Variants in USP34 observed in about 807,000 individuals in gnomAD.
The protein encoded by USP34 is ubiquitin carboxyl-terminal hydrolase 34.
Under a neutral mutation model 460.3 loss-of-function variants are expected in USP34, and 70 were observed. The ratio of observed to expected loss-of-function variants is 0.15; its 90% CI spans 0.13 to 0.19. The LOEUF (loss-of-function observed/expected upper bound fraction) is 0.19. USP34 is among the 10% of genes least tolerant of loss of function. The pLI is 1.00. For synonymous variants in USP34, 1,647 were observed against 1,405.3 expected, an observed-to-expected ratio of 1.17 and a Z score of -3.85; for missense variants, 3,985 against 4,236.2, an observed-to-expected ratio of 0.94 and a Z score of 1.65.
intron 41 of USP34, among the ~76,000 whole-genome samples, chr2:61,277,264 TCTC>T (rs757655688): frequency 6.6e-6 from 1 of 150,956 alleles, no homozygotes; most frequent in Non-Finnish European, 1.5e-5. Context: ...TGAGACACGT[TCTC>T]CTTCTGTCAC....
Position 61,197,758 on chromosome 2 carries a change from C to T in USP34, c.9509-4778G>A, listed in dbSNP as rs79661594. On this transcript the variant is annotated intron_variant, in intron 75 of 79. Transcript: ENST00000398571. Reference sequence around the variant, plus strand: ...GACTACATGTGCATGTCACCAAGCCCGCCTTCTATTTTGGTGGGGGGAACA... The same window carrying T: ...GACTACATGTGCATGTCACCAAGCCTGCCTTCTATTTTGGTGGGGGGAACA... Among the ~76,000 whole-genome samples, 426 of 151,936 alleles carry T rather than the reference C, an allele frequency of 2.8e-3. 2 individuals are homozygous for T. Among genetic ancestry groups the T allele is most frequent in the East Asian group, 0.016 (84 of 5,156 alleles).
At chr2:61,199,928 G>T (rs918840652) in intron 75 of USP34, 1 of 152,322 alleles carries the variant, frequency 6.6e-6, no homozygotes, top group African/African-American at 2.4e-5. Flanking sequence ...GAACTGTGAA[G>T]TATCTATTAA....
intron 20 of USP34, among the ~76,000 whole-genome samples, chr2:61,330,656 A>C (rs1691231974): frequency 1.3e-5 from 2 of 152,162 alleles, no homozygotes; most frequent in Non-Finnish European, 1.5e-5. Context: ...GGTCCATAAC[A>C]ATCAGCTCAC....
In USP34 at chr2:61,399,153, G is replaced by GACCCAGC. The variant is rs563470207; in HGVS notation, c.553-3921_553-3920insGCTGGGT. Reference sequence around the variant, plus strand: ...GTGGATCACGAGGTCAGGAGTTCAAGACCAGCCTAACATGGTCTCTACTAA... The same window carrying GACCCAGC: ...GTGGATCACGAGGTCAGGAGTTCAAGACCCAGCACCAGCCTAACATGGTCTCTACTAA... On this transcript the variant is annotated intron_variant, in intron 3 of 79. Coordinates refer to ENST00000398571, the MANE Select transcript of USP34 (RefSeq NM_014709.4). 3.6e-4 allele frequency among the ~76,000 whole-genome samples: 54 copies of GACCCAGC among 152,050 alleles called. No individual in the cohort carries two copies. The South Asian group carries it at 8.3e-3, about 23-fold the overall frequency.
At chr2:61,392,899 T>G (rs994748854) in intron 5 of USP34, among the ~76,000 whole-genome samples, 1 of 152,150 alleles carries the variant, frequency 6.6e-6, no homozygotes, top group African/African-American at 2.4e-5. Context: ...ATTGAGATAC[T>G]TTCTCTCAGA....
intron 21 of USP34, among the ~76,000 whole-genome samples, chr2:61,324,036 C>A (rs1466249212): frequency 6.6e-6 from 1 of 152,176 alleles, no homozygotes; most frequent in Non-Finnish European, 1.5e-5. Context: ...TGAAAAGAGT[C>A]ATGACGACTC....
chr2:61,440,671 C>G (rs950920181), intron 1 of USP34, among the ~76,000 whole-genome samples: 6 of 151,782 alleles, frequency 4.0e-5, no homozygotes, highest in African/African-American at 1.4e-4. Context: ...GCGCCCACCA[C>G]CATACCCGGC....
At chr2:61,300,834 AAG>A (rs1481889718) in intron 29 of USP34, 115 bp downstream of exon 29, 1 of 691,434 alleles carries the variant, frequency 1.4e-6, no homozygotes, top group African/African-American at 1.9e-5. Context: ...AAAAAAAAAA[AAG>A]GAGAGAAAAT....
chr2:61,469,909 A>C (rs1695896857), intron 1 of USP34, among the ~76,000 whole-genome samples: 2 of 152,198 alleles, frequency 1.3e-5, no homozygotes, highest in Admixed American at 1.3e-4. Context: ...TTTAATAATA[A>C]AAAGTAAAGT....
intron 1 of USP34, among the ~76,000 whole-genome samples, chr2:61,434,477 T>C (rs1277573630): frequency 6.6e-6 from 1 of 152,214 alleles, no homozygotes; most frequent in African/African-American, 2.4e-5. Context: ...GTAACAGTCC[T>C]GTGGCTTCAA....
Position 61,350,553 on chromosome 2 carries a change from T to C in USP34, c.1377+15A>G. 1 of 1,581,670 alleles carries C rather than the reference T, an allele frequency of 6.3e-7. No individual in the cohort carries two copies. Among genetic ancestry groups the C allele is most frequent in the East Asian group, 2.2e-5 (1 of 44,674 alleles). On this transcript the variant is annotated intron_variant, in intron 11 of 79. Transcript: ENST00000398571. ...ACGGGAAAAAAAAAAAACTATCATGTTTTGAATGTATTACCTGTTCAGTAT... is the reference window on the plus strand; with the variant it reads ...ACGGGAAAAAAAAAAAACTATCATGCTTTGAATGTATTACCTGTTCAGTAT...
chr2:61,319,420 T>A, intron 21 of USP34, 93 bp from the exon 22 acceptor site: 1 of 825,492 alleles, frequency 1.2e-6, no homozygotes, highest in Non-Finnish European at 1.7e-6. Context: ...AGTCCTCACT[T>A]AACACAGATA....
chr2:61,380,180 T>A lies in USP34; in HGVS notation c.1003A>T (p.Ser335Cys), dbSNP rs1316256461. The change falls in exon 7 of 80, where the codon AGT becomes TGT. Residue 335 changes from serine to cysteine, a missense_variant. By Grantham distance (112) the Ser-to-Cys change is moderately radical. Around this residue, in one of 14 missense-constraint regions of USP34, gnomAD observed 70 missense variants for 109.5 expected, o/e 0.64. Coordinates refer to ENST00000398571, the MANE Select transcript of USP34 (RefSeq NM_014709.4). Reference protein sequence around the residue: ...PTLTMRLAGLSQITNQLHTFN... With the variant: ...PTLTMRLAGLCQITNQLHTFN... ...CAAATACAGCTTACTGTTATCTGACTCAATCCAGCCAACCTCATAGTCAAA... is the reference window on the plus strand; with the variant it reads ...CAAATACAGCTTACTGTTATCTGACACAATCCAGCCAACCTCATAGTCAAA... 4.3e-6 allele frequency: 7 copies of A among 1,612,598 alleles called. No individual in the cohort carries two copies. The highest frequency in any genetic ancestry group is 2.7e-5 in the African/African-American group (2 of 74,884).
At chr2:61,412,728 TA>T (rs923252163) in intron 2 of USP34, among the ~76,000 whole-genome samples, 3 of 150,932 alleles carry the variant, frequency 2.0e-5, no homozygotes, top group Admixed American at 1.3e-4. Context: ...CTTTCTACAA[TA>T]AAAAAATATA....
At chr2:61,229,165 C>T (rs140196047) in intron 59 of USP34, among the ~76,000 whole-genome samples, 170 bp from the exon 60 acceptor site, 1 of 152,066 alleles carries the variant, frequency 6.6e-6, no homozygotes, top group East Asian at 1.9e-4. Flanking sequence ...AACAAAAAGA[C>T]TAAGCCATAA....
intron 51 of USP34, among the ~76,000 whole-genome samples, chr2:61,242,458 T>TACATAC (rs374067567): frequency 3.1e-5 from 4 of 129,680 alleles, no homozygotes; most frequent in Admixed American, 2.4e-4. Flanking sequence ...AGATAATACA[T>TACATAC]ACACACACAC....
chr2:61,207,288 A>C (rs1217571278), intron 70 of USP34: 1 of 156,854 alleles, frequency 6.4e-6, no homozygotes, highest in Non-Finnish European at 1.4e-5. Context: ...GCCATACTCA[A>C]AAGAGTAGGC....
At chr2:61,203,057 G>C in intron 75 of USP34, 83 bp downstream of exon 75, 1 of 1,309,470 alleles carries the variant, frequency 7.6e-7, no homozygotes, top group South Asian at 2.2e-5. Context: ...AAAAAGGATT[G>C]TCTCATAATT....
chr2:61,343,592 C>T (rs751552589), intron 16 of USP34, among the ~76,000 whole-genome samples: 5 of 151,964 alleles, frequency 3.3e-5, no homozygotes, highest in South Asian at 2.1e-4. Flanking sequence ...TTTCTTTCCC[C>T]GCTGAATATC....
Sources: allele counts gnomAD v4.1 joint callset (sites outside exome capture counted in the v4.1 genomes callset), GRCh38; gene constraint gnomAD v4.1.1; regional missense constraint gnomAD v4.1.1; transcripts MANE v1.5; gene names NCBI Gene and HGNC (gene_info 2026-07-23, HGNC 2026-07-21).